SLC16A7: variants seen among roughly 807,000 people sequenced by gnomAD.
SLC16A7 encodes the protein solute carrier family 16 member 7.
In SLC16A7, 33 loss-of-function variants were observed where a neutral mutation model predicts 34.9. The ratio of observed to expected loss-of-function variants is 0.94; its 90% CI spans 0.72 to 1.26. SLC16A7 has a LOEUF of 1.26. SLC16A7 is among the 50% of genes most tolerant of loss of function. SLC16A7 has a pLI of 0.00. For missense variants in SLC16A7, 573 were observed against 578.1 expected (o/e 0.99, Z 0.09); for synonymous variants, 201 against 206.6 (o/e 0.97, Z 0.23).
intron 1 of SLC16A7, among the ~76,000 whole-genome samples, chr12:59,639,868 A>G (rs187963716): frequency 1.3e-3 from 201 of 152,250 alleles, no homozygotes; most frequent in Non-Finnish European, 2.2e-3. Context: ...CAATCTCACA[A>G]TACGTTTCCA....
intron 3 of SLC16A7, among the ~76,000 whole-genome samples, chr12:59,743,592 G>A (rs911094488): frequency 4.6e-5 from 7 of 152,168 alleles, no homozygotes; most frequent in African/African-American, 1.7e-4. Flanking sequence ...CACTTGTATT[G>A]TTGTAAAAAT....
chr12:59,645,943 T>C (rs1006094751), intron 1 of SLC16A7, among the ~76,000 whole-genome samples: 2 of 152,128 alleles, frequency 1.3e-5, no homozygotes, highest in Non-Finnish European at 2.9e-5. Context: ...ACCAGCAGCA[T>C]TTTGCCCCTG....
intron 2 of SLC16A7, among the ~76,000 whole-genome samples, chr12:59,658,990 CT>C (rs1453059673): frequency 2.0e-5 from 3 of 151,982 alleles, no homozygotes; most frequent in South Asian, 2.1e-4. Context: ...TGATACTGTC[CT>C]GATAATTAAA....
At chr12:59,752,150 A>T (rs1204549945) in intron 3 of SLC16A7, among the ~76,000 whole-genome samples, 1 of 148,742 alleles carries the variant, frequency 6.7e-6, no homozygotes, top group Non-Finnish European at 1.5e-5. Context: ...AACCATAAAG[A>T]TGGGGAAAAA....
intron 2 of SLC16A7, among the ~76,000 whole-genome samples, chr12:59,661,028 A>G (rs900315549): frequency 2.6e-5 from 4 of 152,104 alleles, no homozygotes; most frequent in African/African-American, 9.7e-5. Context: ...TGGAAACTAC[A>G]TACCCGATCA....
chr12:59,623,438 C>G lies in SLC16A7; in HGVS notation c.-130+27202C>G, dbSNP rs1431116566. 2.0e-5 allele frequency among the ~76,000 whole-genome samples: 3 copies of G among 151,630 alleles called. No individual in the cohort carries two copies. In the East Asian group the frequency reaches 5.8e-4, roughly 30 times the overall value. On this transcript the variant is annotated intron_variant, in intron 1 of 5. Coordinates refer to ENST00000547379, the MANE Select transcript of SLC16A7 (RefSeq NM_001270623.2). ...TTCAATTCATGAGAATGGCCTATCTCCCTATTCTGGTCTTTTATGTCTTAT... is the reference window on the plus strand; with the variant it reads ...TTCAATTCATGAGAATGGCCTATCTGCCTATTCTGGTCTTTTATGTCTTAT...
chr12:59,637,084 A>G (rs188603373), intron 1 of SLC16A7, among the ~76,000 whole-genome samples: 202 of 152,278 alleles, frequency 1.3e-3, no homozygotes, highest in Admixed American at 3.5e-3. Flanking sequence ...ATGTAAATCT[A>G]GCTTTCTGCT....
In SLC16A7 at chr12:59,779,464, A is replaced by G; in HGVS notation, c.1222A>G (p.Met408Val). The change falls in exon 6 of 6, where the codon ATG (methionine) becomes GTG (valine). Residue 408 changes from methionine to valine, a missense_variant. Coordinates refer to ENST00000547379, the MANE Select transcript of SLC16A7 (RefSeq NM_001270623.2). Reference protein sequence around the residue: ...DLTGEYKYMYMSCGAIVVAAS... With the variant: ...DLTGEYKYMYVSCGAIVVAAS... ...AACTGGAGAATATAAATACATGTAC[A>G]TGTCCTGTGGGGCTATTGTGGTAGC... The G allele has an allele frequency of 6.2e-7, 1 of 1,611,332 alleles. No individual in the cohort carries two copies. The highest frequency in any genetic ancestry group is 2.2e-5 in the East Asian group (1 of 44,848).
chr12:59,749,653 T>G (rs1465158526), intron 3 of SLC16A7, among the ~76,000 whole-genome samples: 2 of 152,142 alleles, frequency 1.3e-5, no homozygotes, highest in Admixed American at 1.3e-4. Context: ...CTTGAAGATG[T>G]CGTTATTGTT....
intron 1 of SLC16A7, among the ~76,000 whole-genome samples, chr12:59,627,113 A>G (rs1219155827): frequency 6.6e-6 from 1 of 151,814 alleles, no homozygotes; most frequent in African/African-American, 2.4e-5. Context: ...AAATGAAGCC[A>G]ATCTTGCAGT....
chr12:59,715,772 G>A (rs1874830512), intron 3 of SLC16A7, among the ~76,000 whole-genome samples: 1 of 152,196 alleles, frequency 6.6e-6, no homozygotes, highest in South Asian at 2.1e-4. Flanking sequence ...TGCAAATAAT[G>A]AAGGTTGAAT....
At chr12:59,687,627 A>G (rs1871259790) in intron 2 of SLC16A7, among the ~76,000 whole-genome samples, 1 of 152,110 alleles carries the variant, frequency 6.6e-6, no homozygotes. Context: ...AGGGCTTACA[A>G]TAACAGATAT....
intron 1 of SLC16A7, among the ~76,000 whole-genome samples, chr12:59,619,781 T>A (rs944614083): frequency 6.6e-6 from 1 of 151,990 alleles, no homozygotes; most frequent in Admixed American, 6.6e-5. Flanking sequence ...ATGGGACATA[T>A]GTTCTAAATA....
At chr12:59,636,559 G>A (rs779957801) in intron 1 of SLC16A7, among the ~76,000 whole-genome samples, 1 of 152,202 alleles carries the variant, frequency 6.6e-6, no homozygotes, top group Non-Finnish European at 1.5e-5. Flanking sequence ...TGACTATTCA[G>A]GCTCAAGCAG....
intron 3 of SLC16A7, chr12:59,769,431 T>G (rs1166999600): frequency 6.6e-6 from 1 of 152,148 alleles, no homozygotes; most frequent in Non-Finnish European, 1.5e-5. Context: ...GACAGAATTA[T>G]ATTCTTTTTA....
intron 3 of SLC16A7, among the ~76,000 whole-genome samples, chr12:59,741,426 C>G (rs949740269): frequency 3.3e-5 from 5 of 152,138 alleles, no homozygotes; most frequent in African/African-American, 9.7e-5. Context: ...CTTCTTTGCT[C>G]TTAGTGCTGG....
At chr12:59,717,067 T>G (rs1342734449) in intron 3 of SLC16A7, among the ~76,000 whole-genome samples, 1 of 152,180 alleles carries the variant, frequency 6.6e-6, no homozygotes, top group African/African-American at 2.4e-5. Flanking sequence ...GATGGTTGCT[T>G]ATTTGACTTT....
intron 3 of SLC16A7, among the ~76,000 whole-genome samples, chr12:59,762,773 A>G (rs1333813056): frequency 1.3e-5 from 2 of 151,692 alleles, no homozygotes; most frequent in Non-Finnish European, 2.9e-5. Context: ...GTGCCTAGGA[A>G]CAGCCACTGT....
chr12:59,676,884 A>T (rs901766384), intron 2 of SLC16A7, among the ~76,000 whole-genome samples: 1 of 152,170 alleles, frequency 6.6e-6, no homozygotes, highest in Non-Finnish European at 1.5e-5. Flanking sequence ...CATTTGCATA[A>T]GGTAGAAAGC....
Sources: gnomAD v4.1 joint callset for allele counts (sites outside exome capture counted in the v4.1 genomes callset) on GRCh38, gnomAD v4.1.1 for gene constraint, MANE v1.5 for transcripts, NCBI Gene and HGNC (gene_info 2026-07-23, HGNC 2026-07-21) for gene names.